Variants in LYN observed in about 807,000 individuals in gnomAD.
LYN encodes the protein tyrosine-protein kinase Lyn.
LYN carries 12 observed loss-of-function variants against 65.0 expected under a neutral mutation model. The ratio of observed to expected loss-of-function variants is 0.18; its 90% CI spans 0.12 to 0.30. LYN has a LOEUF of 0.30. LYN is among the 10% of genes least tolerant of loss of function. The pLI is 1.00. For synonymous variants in LYN, 222 were observed against 221.2 expected, an observed-to-expected ratio of 1.00 and a Z score of -0.03; for missense variants, 380 against 623.2, an observed-to-expected ratio of 0.61 and a Z score of 4.16.
At chr8:55,972,424 G>A (rs1807634921) in intron 10 of LYN, among the ~76,000 whole-genome samples, 1 of 151,966 alleles carries the variant, frequency 6.6e-6, no homozygotes, top group African/African-American at 2.4e-5. Flanking sequence ...CAGATAATTT[G>A]AGAAAGGGGT....
At chr8:55,946,759 C>G (rs902736639) in intron 3 of LYN, among the ~76,000 whole-genome samples, 29 of 152,286 alleles carry the variant, frequency 1.9e-4, no homozygotes, top group African/African-American at 7.0e-4. Context: ...CCTCCTCCCC[C>G]AGCCGCTGGC....
At position 56,003,594 on chromosome 8, in the gene LYN, G is replaced by T. The variant is rs551161375; in HGVS notation, c.1336+4045G>T. ...GAGGCAGAGAATCGCTTGAATGCTTGAACCCAGGAGACAGAAGTTGCAGTG... is the reference window on the plus strand; with the variant it reads ...GAGGCAGAGAATCGCTTGAATGCTTTAACCCAGGAGACAGAAGTTGCAGTG... On this transcript the variant is annotated intron_variant, in intron 12 of 12. Coordinates refer to ENST00000519728, the MANE Select transcript of LYN (RefSeq NM_002350.4). 2.0e-5 allele frequency among the ~76,000 whole-genome samples: 3 copies of T among 151,778 alleles called. No homozygotes were observed. The East Asian group carries it at 5.9e-4, about 30-fold the overall frequency.
intron 8 of LYN, among the ~76,000 whole-genome samples, chr8:55,957,942 A>T (rs2130506457): frequency 6.6e-6 from 1 of 152,218 alleles, no homozygotes; most frequent in South Asian, 2.1e-4. Flanking sequence ...GTGAGACCCC[A>T]TCTCAAAAAA....
At chr8:55,966,985 T>G in intron 9 of LYN, 88 bp downstream of exon 9, 1 of 1,267,994 alleles carries the variant, frequency 7.9e-7, no homozygotes, top group Non-Finnish European at 1.1e-6. Flanking sequence ...TCAACTAGTT[T>G]AATTATCAAA....
In LYN at chr8:55,966,873, A is replaced by G; in HGVS notation, c.949A>G (p.Ile317Val). Residue 317 changes from isoleucine to valine, a missense_variant, in exon 9 of 13, where the codon ATC becomes GTC. This residue lies in a region of LYN where 223 missense variants were observed against 430.0 expected (regional missense o/e 0.52). Transcript: ENST00000519728. Reference protein sequence around the residue: ...AVVTREEPIYIITEYMAKGSL... With the variant: ...AVVTREEPIYVITEYMAKGSL... ...GGTCACCAGGGAGGAGCCCATTTAC[A>G]TCATCACCGAGTACATGGCCAAGGG... 3 of 1,613,980 alleles carry G rather than the reference A, an allele frequency of 1.9e-6. No individual in the cohort carries two copies. Among genetic ancestry groups the G allele is most frequent in the Admixed American group, 1.7e-5 (1 of 60,006 alleles).
intron 1 of LYN, among the ~76,000 whole-genome samples, chr8:55,938,526 T>G (rs1169239483): frequency 6.6e-6 from 1 of 152,202 alleles, no homozygotes; most frequent in Non-Finnish European, 1.5e-5. Flanking sequence ...CTGGCCCTTC[T>G]TGCCAGAAAA....
chr8:55,953,866 G>A lies in LYN; in HGVS notation c.672G>A (p.Lys224=), dbSNP rs1293487177. 2.5e-6 allele frequency: 4 copies of A among 1,614,086 alleles called. No individual in the cohort carries two copies. The Admixed American group carries it at 6.7e-5, about 27-fold the overall frequency. The change falls in exon 8 of 13, where the codon AAG becomes AAA. Residue 224 remains lysine, a synonymous_variant. Coordinates refer to ENST00000519728, the MANE Select transcript of LYN (RefSeq NM_002350.4). The part of the protein sequence containing the change: ...QADGLCRRLE[K]ACISPKPQKP... ...ATGGCTTGTGCAGAAGATTGGAGAA[G>A]GCTTGTATTAGTCCCAAGCCACAGA...
chr8:55,925,925 T>C (rs1242438328), intron 1 of LYN, among the ~76,000 whole-genome samples: 2 of 152,248 alleles, frequency 1.3e-5, no homozygotes, highest in African/African-American at 4.8e-5. Flanking sequence ...AATTTTTGAT[T>C]CAGTTTAATT....
At chr8:55,989,044 A>G (rs1189042253) in intron 10 of LYN, among the ~76,000 whole-genome samples, 2 of 152,216 alleles carry the variant, frequency 1.3e-5, no homozygotes, top group Non-Finnish European at 2.9e-5. Context: ...TGTCCAAAGC[A>G]TTGCTCATGT....
intron 1 of LYN, among the ~76,000 whole-genome samples, chr8:55,882,670 A>G (rs757605592): frequency 5.3e-5 from 8 of 152,170 alleles, no homozygotes; most frequent in Non-Finnish European, 8.8e-5. Context: ...GGCTCTTCCT[A>G]GTGATGATGG....
At position 56,010,658 on chromosome 8, in the gene LYN, T is replaced by A. The variant is rs6985298; in HGVS notation, c.*548T>A. The A allele has an allele frequency of 0.02, 4,562 of 231,670 alleles. 188 individuals carry two copies. The highest frequency in any genetic ancestry group is 0.095 in the African/African-American group (4,149 of 43,488). The allele number at this position is 231,670 out of a possible 1,614,324, so 14.4% of individuals were successfully genotyped here. A position where few individuals can be genotyped will look rare whatever the true frequency, so the allele number is the denominator to read the frequency against. ...AATGTCTTTCCCAGATTTCAATGATTTTTTTCCCCCTACCTCCCAAAATCT... is the reference window on the plus strand; with the variant it reads ...AATGTCTTTCCCAGATTTCAATGATATTTTTCCCCCTACCTCCCAAAATCT... On this transcript the variant is annotated 3_prime_UTR_variant, in exon 13 of 13. Coordinates refer to ENST00000519728, the MANE Select transcript of LYN (RefSeq NM_002350.4).
intron 12 of LYN, among the ~76,000 whole-genome samples, chr8:56,008,162 G>A (rs562279235): frequency 6.7e-6 from 1 of 149,010 alleles, no homozygotes; most frequent in East Asian, 1.9e-4. Context: ...AATACTGGTA[G>A]TACTCTAAAA....
chr8:56,006,439 A>G (rs1001150360), intron 12 of LYN, among the ~76,000 whole-genome samples: 2 of 152,170 alleles, frequency 1.3e-5, no homozygotes, highest in Non-Finnish European at 2.9e-5. Context: ...AGACTGTCAT[A>G]GTTTGTGGTA....
chr8:55,927,910 A>T (rs751432539), intron 1 of LYN, among the ~76,000 whole-genome samples: 6 of 152,232 alleles, frequency 3.9e-5, no homozygotes, highest in Non-Finnish European at 8.8e-5. Context: ...TACGTTTTCA[A>T]CTCACTTGGG....
chr8:55,928,753 A>AATTTTTTCTTTCATGGATC (rs546512919), intron 1 of LYN, among the ~76,000 whole-genome samples: 1 of 152,000 alleles, frequency 6.6e-6, no homozygotes, highest in Non-Finnish European at 1.5e-5. Context: ...TTCAATTTAT[A>AATTTTTTCTTTCATGGATC]ATTTTTTCTT....
intron 10 of LYN, among the ~76,000 whole-genome samples, chr8:55,994,998 T>C (rs1331348345): frequency 1.3e-5 from 2 of 152,214 alleles, no homozygotes; most frequent in Non-Finnish European, 2.9e-5. Context: ...TCTCCACTTT[T>C]CCCAGTTTTA....
At position 55,938,293 on chromosome 8, in the gene LYN, T is replaced by C. The variant is rs550750694; in HGVS notation, c.-5-3562T>C. Among the ~76,000 whole-genome samples the C allele has an allele frequency of 3.3e-5, 5 of 152,380 alleles. No individual in the cohort carries two copies. The South Asian group carries it at 1.0e-3, about 32-fold the overall frequency. ...TGAACAGACTAGAGTTGTATTTGCA[T>C]GTCAAAGCCTCAGTTACTATCTTGT... On this transcript the variant is annotated intron_variant, in intron 1 of 12. Coordinates refer to ENST00000519728, the MANE Select transcript of LYN (RefSeq NM_002350.4).
intron 8 of LYN, among the ~76,000 whole-genome samples, chr8:55,959,491 A>T (rs1407742473): frequency 2.0e-5 from 3 of 152,240 alleles, no homozygotes; most frequent in African/African-American, 7.2e-5. Context: ...CACTGTTATT[A>T]AATAATATCT....
intron 1 of LYN, among the ~76,000 whole-genome samples, chr8:55,901,371 G>A (rs1805257026): frequency 6.6e-6 from 1 of 152,220 alleles, no homozygotes; most frequent in Non-Finnish European, 1.5e-5. Flanking sequence ...TGAAGTCAGT[G>A]TAAGTGATGG....
Sources: allele counts gnomAD v4.1 joint callset (sites outside exome capture counted in the v4.1 genomes callset), GRCh38; gene constraint gnomAD v4.1.1; regional missense constraint gnomAD v4.1.1; transcripts MANE v1.5; gene names NCBI Gene and HGNC (gene_info 2026-07-23, HGNC 2026-07-21).